LYPD6B: variants seen among roughly 807,000 people sequenced by gnomAD.
The protein encoded by LYPD6B is LY6/PLAUR domain containing 6B.
Under a neutral mutation model 22.8 loss-of-function variants are expected in LYPD6B, and 17 were observed. That is an observed-to-expected ratio of 0.75 (90% CI 0.51 to 1.12). The LOEUF (loss-of-function observed/expected upper bound fraction) is 1.12, where lower values mean the gene tolerates loss of function less well. Among genes scored for constraint, LYPD6B ranks in the 50% most tolerant of loss-of-function variants. LYPD6B has a pLI of 0.00. For synonymous variants in LYPD6B, 106 were observed against 91.6 expected (o/e 1.16, Z -0.90); for missense variants, 221 against 258.3 (o/e 0.86, Z 0.99).
rs966460621 is a variant in LYPD6B at position 149,081,228 on chromosome 2, G to T, written c.-67+42427G>T. Among the ~76,000 whole-genome samples, 5 of 152,110 alleles carry T rather than the reference G, an allele frequency of 3.3e-5. No homozygotes were observed. In the East Asian group the frequency reaches 7.7e-4, roughly 23 times the overall value. ...TAGTAATTGTTGCTAATGCCTGCAG[G>T]GTTATTTGTAAGGCTGTGGCAGGGG... On this transcript the variant is annotated intron_variant, in intron 1 of 6. Coordinates refer to ENST00000409642, the MANE Select transcript of LYPD6B (RefSeq NM_177964.5).
intron 2 of LYPD6B, among the ~76,000 whole-genome samples, chr2:149,150,551 C>G (rs1026915241): frequency 6.6e-6 from 1 of 151,122 alleles, no homozygotes; most frequent in African/African-American, 2.4e-5. Context: ...GTGGAAAAGT[C>G]TGATGTCATT....
intron 2 of LYPD6B, among the ~76,000 whole-genome samples, chr2:149,149,122 C>T (rs1054098902): frequency 7.2e-5 from 11 of 152,026 alleles, no homozygotes; most frequent in East Asian, 1.9e-4. Flanking sequence ...TTTGGAGTTA[C>T]GCAAGAATGA....
At chr2:149,040,170 C>G (rs928571315) in intron 1 of LYPD6B, among the ~76,000 whole-genome samples, 2 of 151,656 alleles carry the variant, frequency 1.3e-5, no homozygotes, top group Non-Finnish European at 2.9e-5. Context: ...AGAGAGAATC[C>G]CATCTTCTCT....
chr2:149,212,850 C>G (rs1693959650), intron 5 of LYPD6B, 142 bp from the exon 6 acceptor site: 1 of 676,126 alleles, frequency 1.5e-6, no homozygotes, highest in Non-Finnish European at 2.4e-6. Flanking sequence ...GAGTTCACTG[C>G]TATGAAATGT....
chr2:149,127,694 C>T (rs969809634), intron 1 of LYPD6B, among the ~76,000 whole-genome samples: 1 of 152,028 alleles, frequency 6.6e-6, no homozygotes, highest in African/African-American at 2.4e-5. Flanking sequence ...TGTTGTATTT[C>T]CCCAGGATCC....
intron 1 of LYPD6B, among the ~76,000 whole-genome samples, chr2:149,059,138 T>C (rs1012830314): frequency 2.6e-5 from 4 of 152,214 alleles, no homozygotes; most frequent in Non-Finnish European, 5.9e-5. Context: ...CTGCACAGGA[T>C]TCTGAGTGAG....
At chr2:149,159,484 A>G (rs1689909356) in intron 2 of LYPD6B, among the ~76,000 whole-genome samples, 1 of 151,902 alleles carries the variant, frequency 6.6e-6, no homozygotes, top group Non-Finnish European at 1.5e-5. Flanking sequence ...TTCTCTACAT[A>G]GTATATATGT....
chr2:149,124,550 G>A (rs377149816), intron 1 of LYPD6B, among the ~76,000 whole-genome samples: 1 of 152,120 alleles, frequency 6.6e-6, no homozygotes, highest in Non-Finnish European at 1.5e-5. Flanking sequence ...AGCAACCCAC[G>A]AGAGTAGCAT....
intron 6 of LYPD6B, among the ~76,000 whole-genome samples, chr2:149,214,031 G>A (rs559857856): frequency 1.2e-4 from 19 of 152,286 alleles, no homozygotes; most frequent in African/African-American, 4.6e-4. Context: ...ACACCAGTTA[G>A]GGACAAGCCT....
intron 3 of LYPD6B, chr2:149,187,726 G>A (rs1692216444): frequency 2.4e-6 from 1 of 425,380 alleles, no homozygotes; most frequent in Admixed American, 4.2e-5. Context: ...ACTAATGATA[G>A]CTGATAAGCT....
chr2:149,212,848 T>G (rs1693959511), intron 5 of LYPD6B, 144 bp from the exon 6 acceptor site: 3 of 659,206 alleles, frequency 4.6e-6, no homozygotes, highest in African/African-American at 3.7e-5. Flanking sequence ...CAGAGTTCAC[T>G]GCTATGAAAT....
chr2:149,123,026 C>T (rs1687472381), intron 1 of LYPD6B, among the ~76,000 whole-genome samples: 1 of 152,134 alleles, frequency 6.6e-6, no homozygotes, highest in Non-Finnish European at 1.5e-5. Context: ...GATCCCAGAG[C>T]ACTGTTTACA....
intron 3 of LYPD6B, among the ~76,000 whole-genome samples, chr2:149,200,348 T>G (rs949975969): frequency 6.6e-6 from 1 of 152,186 alleles, no homozygotes. Flanking sequence ...CAAATCACCT[T>G]TCATCATTTC....
chr2:149,172,231 A>G (rs1262296396), intron 3 of LYPD6B, among the ~76,000 whole-genome samples: 2 of 152,188 alleles, frequency 1.3e-5, no homozygotes, highest in Non-Finnish European at 2.9e-5. Flanking sequence ...TTCACTCACT[A>G]TCACAAGAAT....
chr2:149,082,978 T>C (rs574885148), intron 1 of LYPD6B, among the ~76,000 whole-genome samples: 3 of 152,186 alleles, frequency 2.0e-5, no homozygotes, highest in Non-Finnish European at 4.4e-5. Flanking sequence ...GGTGTGCCTC[T>C]GGACAGGAAA....
At chr2:149,072,666 A>G (rs1382938805) in intron 1 of LYPD6B, among the ~76,000 whole-genome samples, 1 of 151,834 alleles carries the variant, frequency 6.6e-6, no homozygotes, top group Non-Finnish European at 1.5e-5. Context: ...CCTCCCCGGT[A>G]GCTGGGATTA....
At chr2:149,114,632 A>G (rs1360716186) in intron 1 of LYPD6B, among the ~76,000 whole-genome samples, 1 of 152,190 alleles carries the variant, frequency 6.6e-6, no homozygotes, top group Non-Finnish European at 1.5e-5. Flanking sequence ...AGATGCAGAG[A>G]CAGGAGATTC....
chr2:149,203,093 A>C (rs1693275712), intron 3 of LYPD6B, among the ~76,000 whole-genome samples: 1 of 152,182 alleles, frequency 6.6e-6, no homozygotes, highest in Admixed American at 6.5e-5. Flanking sequence ...CAGCGCGTGC[A>C]AACTATGTGC....
intron 2 of LYPD6B, among the ~76,000 whole-genome samples, chr2:149,146,716 A>G (rs1376105370): frequency 6.6e-6 from 1 of 151,776 alleles, no homozygotes; most frequent in Non-Finnish European, 1.5e-5. Flanking sequence ...GAGACCCCAA[A>G]TATTAACAAC....
Sources: gnomAD v4.1 joint callset for allele counts (sites outside exome capture counted in the v4.1 genomes callset) on GRCh38, gnomAD v4.1.1 for gene constraint, MANE v1.5 for transcripts, NCBI Gene and HGNC (gene_info 2026-07-23, HGNC 2026-07-21) for gene names.